The following GPR35 variants were observed in gnomAD, a reference collection of about 807,000 sequenced individuals.
GPR35 encodes the protein KYNA receptor.
For missense variants in GPR35, 372 were observed against 422.5 expected, an observed-to-expected ratio of 0.88 and a Z score of 1.05; for synonymous variants, 207 against 198.4, an observed-to-expected ratio of 1.04 and a Z score of -0.36.
chr2:240,605,883 C>A (rs887371673), intron 1 of GPR35, among the ~76,000 whole-genome samples: 5 of 152,174 alleles, frequency 3.3e-5, no homozygotes, highest in Non-Finnish European at 7.4e-5. Flanking sequence ...TTGATCCCAA[C>A]GTGAAGCCCT....
chr2:240,614,853 CTATG>C (rs557175709), intron 2 of GPR35, among the ~76,000 whole-genome samples: 4 of 151,824 alleles, frequency 2.6e-5, no homozygotes, highest in East Asian at 1.9e-4. Flanking sequence ...GTGTATATAT[CTATG>C]TATGTATATG....
chr2:240,606,198 A>G (rs900052458), intron 1 of GPR35, among the ~76,000 whole-genome samples: 3 of 152,198 alleles, frequency 2.0e-5, no homozygotes, highest in Non-Finnish European at 2.9e-5. Context: ...CACCAGGTTT[A>G]GTAGGTTTAG....
Position 240,630,726 on chromosome 2 carries a change from G to T in GPR35, c.774G>T (p.Leu258=), listed in dbSNP as rs1386356871. The change falls in exon 2 of 2, where the codon CTG becomes CTT. Residue 258 remains leucine, a synonymous_variant. Coordinates refer to ENST00000407714, the MANE Select transcript of GPR35 (RefSeq NM_005301.5). The stretch of plus-strand genomic sequence containing the variant: ...TCCTGGAGACGATCCGTCGCGCCCT[G>T]TACATAACCAGCAAGCTCTCAGATG... ...CALLETIRRA[L]YITSKLSDAN... is the part of the protein sequence containing the mutation. The T allele has an allele frequency of 6.2e-7, 1 of 1,613,414 alleles. No homozygotes were observed. Among genetic ancestry groups the T allele is most frequent in the Non-Finnish European group, 8.5e-7 (1 of 1,180,042 alleles).
At chr2:240,608,697 T>C (rs1308084343) in intron 2 of GPR35, among the ~76,000 whole-genome samples, 1 of 152,182 alleles carries the variant, frequency 6.6e-6, no homozygotes, top group Non-Finnish European at 1.5e-5. Flanking sequence ...TGGCCTGTAG[T>C]TTTCTTTTCT....
At position 240,632,422 on chromosome 2, in the gene GPR35, AGTGTCCCTGCCT is replaced by A. The variant is rs2125491768; in HGVS notation, c.*1541_*1552del. On this transcript the variant is annotated 3_prime_UTR_variant, in exon 2 of 2. Coordinates refer to ENST00000407714, the MANE Select transcript of GPR35 (RefSeq NM_005301.5). ...ATGCCTAGGAGGGTTCATGCCCAGG[AGTGTCCCTGCCT>A]AGGAAGATCCATTACCAGAAGGGCC... Among the ~76,000 whole-genome samples, 1 of 150,214 alleles carries A rather than the reference AGTGTCCCTGCCT, an allele frequency of 6.7e-6. No homozygotes were observed. Among genetic ancestry groups the A allele is most frequent in the South Asian group, 2.1e-4 (1 of 4,734 alleles).
At chr2:240,610,792 G>A (rs566310448) in intron 2 of GPR35, among the ~76,000 whole-genome samples, 2 of 151,364 alleles carry the variant, frequency 1.3e-5, no homozygotes, top group African/African-American at 2.4e-5. Context: ...CCGCCACCAC[G>A]CCCGGCTAAT....
At chr2:240,611,347 C>T (rs1273036823) in intron 2 of GPR35, among the ~76,000 whole-genome samples, 12 of 152,124 alleles carry the variant, frequency 7.9e-5, no homozygotes, top group Admixed American at 7.9e-4. Flanking sequence ...TTTGAACCTA[C>T]CATCTGCTAT....
chr2:240,617,583 A>G, intron 4 of GPR35: 1 of 258,708 alleles, frequency 3.9e-6, no homozygotes, highest in South Asian at 5.3e-5. Context: ...CTCTTTGGTC[A>G]TGTTGAGGTA....
chr2:240,621,814 G>C (rs535156710), upstream of GPR35, among the ~76,000 whole-genome samples: 44 of 152,300 alleles, frequency 2.9e-4, no homozygotes, highest in African/African-American at 9.4e-4. Flanking sequence ...TCTCATACAG[G>C]GGTCTCGTCT....
intron 1 of GPR35, among the ~76,000 whole-genome samples, chr2:240,605,736 T>A (rs1426902478): frequency 6.6e-6 from 1 of 152,236 alleles, no homozygotes; most frequent in East Asian, 1.9e-4. Context: ...TTGCTCGCTG[T>A]CCCTTGGAGT....
At chr2:240,612,914 A>C (rs2125476253) in intron 2 of GPR35, among the ~76,000 whole-genome samples, 1 of 152,376 alleles carries the variant, frequency 6.6e-6, no homozygotes, top group Non-Finnish European at 1.5e-5. Flanking sequence ...CTGTGCTCAC[A>C]GAGTCACTGT....
At chr2:240,611,137 C>T (rs578076409) in intron 2 of GPR35, among the ~76,000 whole-genome samples, 44 of 150,106 alleles carry the variant, frequency 2.9e-4, no homozygotes, top group Non-Finnish European at 5.2e-4. Context: ...TGTTTTTTTT[C>T]GGTAGTTTTA....
At chr2:240,618,872 C>G (rs568985409) in intron 4 of GPR35, 1 of 649,904 alleles carries the variant, frequency 1.5e-6, no homozygotes, top group East Asian at 2.8e-5. Flanking sequence ...AAATATTTCT[C>G]CCTCCTCTTT....
intron 1 of GPR35, among the ~76,000 whole-genome samples, chr2:240,626,095 G>GGT (rs1258800702): frequency 5.5e-3 from 234 of 42,460 alleles, no homozygotes; most frequent in Admixed American, 9.8e-3. Context: ...CTGTGACGGG[G>GGT]TCTCAGAGCG....
chr2:240,620,670 G>A (rs537124838), upstream of GPR35, among the ~76,000 whole-genome samples: 1 of 152,120 alleles, frequency 6.6e-6, no homozygotes, highest in Non-Finnish European at 1.5e-5. Context: ...GGGACCCCCT[G>A]TGGGGATGGG....
upstream of GPR35, among the ~76,000 whole-genome samples, chr2:240,624,226 T>TGGGAGTTGAGATTGGGC (rs11275380): frequency 2.0e-5 from 3 of 151,906 alleles, no homozygotes; most frequent in South Asian, 2.1e-4. Flanking sequence ...GAGTGAGGGA[T>TGGGAGTTGAGATTGGGC]GGATGAAATC....
chr2:240,618,764 G>A, intron 4 of GPR35: 1 of 466,994 alleles, frequency 2.1e-6, no homozygotes, highest in African/African-American at 2.0e-5. Context: ...TACAGCTGAT[G>A]GCTCCATCTA....
Position 240,629,944 on chromosome 2 carries a change from C to T in GPR35, c.-4-5C>T, listed in dbSNP as rs182473898. 2.5e-6 allele frequency: 4 copies of T among 1,595,802 alleles called. No individual in the cohort carries two copies. The African/African-American group carries it at 5.3e-5, about 21-fold the overall frequency. On this transcript the variant is annotated splice_polypyrimidine_tract_variant and splice_region_variant and intron_variant, in intron 1 of 1. Coordinates refer to ENST00000407714, the MANE Select transcript of GPR35 (RefSeq NM_005301.5). Reference sequence around the variant, plus strand: ...GCTGACCTCCGGCTCCCTGTGCTGCCCCAGGACCATGAATGGCACCTACAA... The same window carrying T: ...GCTGACCTCCGGCTCCCTGTGCTGCTCCAGGACCATGAATGGCACCTACAA...
At chr2:240,612,247 A>G (rs55840152) in intron 2 of GPR35, among the ~76,000 whole-genome samples, 2,561 of 151,162 alleles carry the variant, frequency 0.017, 75 homozygotes, top group African/African-American at 0.06. Flanking sequence ...TGGCTAGCAC[A>G]GTGAAACCCC....
Sources: gnomAD v4.1 joint callset for allele counts (sites outside exome capture counted in the v4.1 genomes callset) on GRCh38, gnomAD v4.1.1 for gene constraint, MANE v1.5 for transcripts, NCBI Gene and HGNC (gene_info 2026-07-23, HGNC 2026-07-21) for gene names.